The following PCDHGB7 variants were observed in gnomAD, a reference collection of about 807,000 sequenced individuals.
PCDHGB7 encodes protocadherin gamma subfamily B, 7.
In PCDHGB7, 37 loss-of-function variants were observed where a neutral mutation model predicts 61.4. The ratio of observed to expected loss-of-function variants is 0.60; its 90% CI spans 0.46 to 0.79. The LOEUF is 0.79. PCDHGB7 is among the 30% of genes least tolerant of loss of function. The pLI, the probability that PCDHGB7 is intolerant of heterozygous loss-of-function variation, is 0.00. For synonymous variants in PCDHGB7, 464 were observed against 503.5 expected (o/e 0.92, Z 1.05); for missense variants, 1,166 against 1,202.5 (o/e 0.97, Z 0.45).
intron 1 of PCDHGB7, among the ~76,000 whole-genome samples, chr5:141,429,535 T>TG (rs1278730394): frequency 2.0e-5 from 3 of 152,168 alleles, no homozygotes; most frequent in Non-Finnish European, 4.4e-5. Flanking sequence ...CTTAAAAAAA[T>TG]AAGAACATGG....
chr5:141,484,988 G>A (rs1187402042), intron 1 of PCDHGB7: 2 of 604,830 alleles, frequency 3.3e-6, no homozygotes, highest in Admixed American at 3.0e-5. Context: ...CAATCGGGTG[G>A]TGAAAGGCAG....
At position 141,419,807 on chromosome 5, in the gene PCDHGB7, G is replaced by A; in HGVS notation, c.1948G>A (p.Gly650Arg). 2 of 1,614,074 alleles carry A rather than the reference G, an allele frequency of 1.2e-6. No individual in the cohort carries two copies. Among genetic ancestry groups the A allele is most frequent in the South Asian group, 1.1e-5 (1 of 91,092 alleles). The change falls in exon 1 of 4, where the codon GGA becomes AGA. Residue 650 changes from glycine to arginine, a missense_variant. Physicochemically the swap from Gly to Arg is moderately radical, Grantham distance 125. Transcript: ENST00000398594. The part of the protein sequence containing the change: ...QRLLVAVRDG[G>R]QPPLSATATL... ...CCTGCTAGTCGCTGTAAGAGATGGA[G>A]GACAGCCACCCCTTTCAGCCACTGC...
chr5:141,472,980 C>CAAAAAAAAAAAAAAAAAAAAA (rs60579131), intron 1 of PCDHGB7, among the ~76,000 whole-genome samples: 3 of 86,094 alleles, frequency 3.5e-5, no homozygotes, highest in Non-Finnish European at 5.0e-5. Context: ...GAGTGAAACT[C>CAAAAAAAAAAAAAAAAAAAAA]AAAAAAAAAA....
intron 1 of PCDHGB7, among the ~76,000 whole-genome samples, chr5:141,457,854 C>A (rs2098930903): frequency 6.6e-6 from 1 of 152,234 alleles, no homozygotes; most frequent in African/African-American, 2.4e-5. Flanking sequence ...AAGTGACATT[C>A]TTCACTGACC....
At position 141,485,682 on chromosome 5, in the gene PCDHGB7, A is replaced by T. The variant is rs779441999; in HGVS notation, c.2416-9125A>T. 6.2e-7 allele frequency: 1 copy of T among 1,613,958 alleles called. No individual in the cohort carries two copies. Among genetic ancestry groups the T allele is most frequent in the Non-Finnish European group, 8.5e-7 (1 of 1,179,972 alleles). On this transcript the variant is annotated intron_variant, in intron 1 of 3. Transcript: ENST00000398594. This position sits in a 1 kb window ranked among gnomAD's most constrained non-coding sequence, Gnocchi z 5.7. ...GTGGGGAGCAATTCGATTAGCAGCT[A>T]TAGGCTGAGCTCCAATGAACACTTT...
intron 1 of PCDHGB7, chr5:141,427,369 C>T (rs1333238163): frequency 4.4e-6 from 2 of 457,834 alleles, no homozygotes; most frequent in Non-Finnish European, 8.8e-6. Flanking sequence ...GAACCCTGGA[C>T]GGTGATCACT....
chr5:141,422,069 C>A, intron 1 of PCDHGB7: 3 of 1,611,836 alleles, frequency 1.9e-6, no homozygotes, highest in Non-Finnish European at 2.5e-6. Flanking sequence ...GTAATGTATT[C>A]ATTTCGGAAC....
intron 1 of PCDHGB7, chr5:141,478,925 G>T: frequency 1.4e-6 from 1 of 700,562 alleles, no homozygotes; most frequent in Non-Finnish European, 2.2e-6. Context: ...TCTAACCAGT[G>T]GCAGCTTCTA....
chr5:141,430,913 C>A (rs1485488693), intron 1 of PCDHGB7: 1 of 1,607,720 alleles, frequency 6.2e-7, no homozygotes, highest in East Asian at 2.2e-5. Context: ...CTCCAGGGAC[C>A]TGGGGCTGGA....
At chr5:141,505,616 C>T in intron 3 of PCDHGB7, 135 bp downstream of exon 3, 2 of 1,503,162 alleles carry the variant, frequency 1.3e-6, no homozygotes, top group South Asian at 1.3e-5. Flanking sequence ...CTGAAAGGAC[C>T]CACAATTCCA....
chr5:141,490,215 G>C lies in PCDHGB7; in HGVS notation c.2416-4592G>C. 6.2e-7 allele frequency: 1 copy of C among 1,614,254 alleles called. No individual in the cohort carries two copies. Among genetic ancestry groups the C allele is most frequent in the African/African-American group, 1.3e-5 (1 of 75,078 alleles). On this transcript the variant is annotated intron_variant, in intron 1 of 3. Coordinates refer to ENST00000398594, the MANE Select transcript of PCDHGB7 (RefSeq NM_018927.4). The surrounding 1 kb of genome is among the most constrained non-coding windows in gnomAD (Gnocchi z 5.4). ...AAATTCATGCAAGAGCCCGTGACCA[G>C]GGACAGCCTGCCATGGAGGGCCACT... is the stretch of plus-strand genomic sequence containing the variant.
intron 2 of PCDHGB7, among the ~76,000 whole-genome samples, chr5:141,496,592 T>G (rs948403662): frequency 6.6e-6 from 1 of 152,136 alleles, no homozygotes; most frequent in African/African-American, 2.4e-5. Context: ...GCAAAGCGCT[T>G]CTTAGAAGGC....
rs111458813 is a variant in PCDHGB7 at position 141,483,648 on chromosome 5, TTG to T, written c.2416-11139_2416-11138del. Among the ~76,000 whole-genome samples, 82 of 149,502 alleles carry T rather than the reference TTG, an allele frequency of 5.5e-4. 1 individual carries two copies. The highest frequency in any genetic ancestry group is 2.5e-3 in the Admixed American group (37 of 14,990). Reference sequence around the variant, plus strand: ...GGAGAAGGTATAGAGGGGTGTGTGTTTGTGTGTGTGTGTGTGTGTGTAAAAGA... The same window carrying T: ...GGAGAAGGTATAGAGGGGTGTGTGTTTGTGTGTGTGTGTGTGTGTAAAAGA... On this transcript the variant is annotated intron_variant, in intron 1 of 3. Transcript: ENST00000398594.
intron 1 of PCDHGB7, among the ~76,000 whole-genome samples, chr5:141,472,889 G>A (rs1163806093): frequency 6.6e-6 from 1 of 151,392 alleles, no homozygotes; most frequent in Non-Finnish European, 1.5e-5. Context: ...GGGAGGCTGA[G>A]GCAGGAGAAT....
intron 1 of PCDHGB7, among the ~76,000 whole-genome samples, chr5:141,450,968 G>A (rs756891993): frequency 5.5e-4 from 84 of 151,848 alleles, no homozygotes; most frequent in Non-Finnish European, 9.0e-4. Context: ...GGGATTACAG[G>A]CATGTGCCAC....
chr5:141,472,928 G>A (rs926768431), intron 1 of PCDHGB7, among the ~76,000 whole-genome samples: 13 of 150,136 alleles, frequency 8.7e-5, no homozygotes, highest in Admixed American at 2.7e-4. Flanking sequence ...GGAGGTTGTG[G>A]TGAGCCAAGA....
At chr5:141,444,125 C>A (rs1459174213) in intron 1 of PCDHGB7, among the ~76,000 whole-genome samples, 2 of 130,784 alleles carry the variant, frequency 1.5e-5, no homozygotes, top group African/African-American at 5.7e-5. Flanking sequence ...AGTATCTCAA[C>A]AGATATGTGT....
intron 1 of PCDHGB7, among the ~76,000 whole-genome samples, chr5:141,467,814 A>G (rs2099152300): frequency 6.6e-6 from 1 of 151,978 alleles, no homozygotes; most frequent in Non-Finnish European, 1.5e-5. Flanking sequence ...ACATGCCACC[A>G]CACCAGGCTG....
intron 1 of PCDHGB7, chr5:141,423,749 TTGGGGGGGGGG>T: frequency 3.7e-6 from 1 of 272,202 alleles, no homozygotes; most frequent in Non-Finnish European, 4.7e-6. Context: ...TGAAAACTGT[TTGGGGGGGGGG>T]TGGGGCGGCA....
Sources: allele counts gnomAD v4.1 joint callset (sites outside exome capture counted in the v4.1 genomes callset), GRCh38; gene constraint gnomAD v4.1.1; non-coding constraint Gnocchi (gnomAD v3.1); transcripts MANE v1.5; gene names NCBI Gene and HGNC (gene_info 2026-07-23, HGNC 2026-07-21).